CEMIP2: variants seen among roughly 807,000 people sequenced by gnomAD.
CEMIP2 encodes the protein cell surface hyaluronidase CEMIP2.
CEMIP2 carries 79 observed loss-of-function variants against 146.9 expected under a neutral mutation model. That is an observed-to-expected ratio of 0.54 (90% CI 0.45 to 0.65). The LOEUF (loss-of-function observed/expected upper bound fraction) is 0.65. Ranked by LOEUF, CEMIP2 falls within the 30% of genes least tolerant of loss-of-function variation. CEMIP2 has a pLI of 0.00. For missense variants in CEMIP2, 1,596 were observed against 1,696.2 expected (o/e 0.94, Z 1.04); for synonymous variants, 601 against 606.3 (o/e 0.99, Z 0.13).
At chr9:71,765,181 G>A (rs2132051972) in intron 1 of CEMIP2, among the ~76,000 whole-genome samples, 1 of 152,282 alleles carries the variant, frequency 6.6e-6, no homozygotes, top group Non-Finnish European at 1.5e-5. Flanking sequence ...TAGCTTAAAA[G>A]TCTAAAGACT....
chr9:71,747,723 AT>A (rs1361804105), intron 2 of CEMIP2, among the ~76,000 whole-genome samples: 2 of 152,162 alleles, frequency 1.3e-5, no homozygotes, highest in African/African-American at 4.8e-5. Flanking sequence ...AGAAAAAAAA[AT>A]GATTCCTCAT....
chr9:71,717,976 C>T lies in CEMIP2; in HGVS notation c.2371G>A (p.Gly791Arg). The change falls in exon 13 of 24, where the codon GGA becomes AGA. Residue 791 changes from glycine (G) to arginine (R), a missense_variant. Transcript: ENST00000377044. ...KNNDNGAWVR[G>R]GDIIVQNSAF... ...GAATTTTGAACGATAATATCTCCTC[C>T]TCTGACCCAAGCTCCATTATCATTA... is the stretch of plus-strand genomic sequence containing the variant. 1 of 1,611,218 alleles carries T rather than the reference C, an allele frequency of 6.2e-7. No homozygotes were observed. The highest frequency in any genetic ancestry group is 8.5e-7 in the Non-Finnish European group (1 of 1,178,530).
intron 12 of CEMIP2, among the ~76,000 whole-genome samples, chr9:71,719,842 C>CA (rs34555277): frequency 0.011 from 1,002 of 93,178 alleles, 45 homozygotes; most frequent in African/African-American, 0.039. Flanking sequence ...TAAACGAAAG[C>CA]AAAAAAAAAA....
At chr9:71,718,209 C>G (rs1221573845) in intron 12 of CEMIP2, 130 bp from the exon 13 acceptor site, 1 of 849,828 alleles carries the variant, frequency 1.2e-6, no homozygotes, top group Non-Finnish European at 1.7e-6. Flanking sequence ...TAAGATACAA[C>G]TTACTTACAT....
intron 21 of CEMIP2, among the ~76,000 whole-genome samples, chr9:71,692,940 A>AAC: frequency 1.3e-5 from 1 of 79,270 alleles, no homozygotes; most frequent in Non-Finnish European, 2.3e-5. Flanking sequence ...ACAACAACAA[A>AAC]AACCAAGAGT....
chr9:71,712,113 A>G lies in CEMIP2; in HGVS notation c.2739T>C (p.Asn913=). ...MKNSWQITPR[N]NISLVKFGPH... is the part of the protein sequence containing the mutation. ...GACCAAACTTCACGAGGGAGATATTATTCCTGGGGGTTATCTGCCAGGAAT... is the reference window on the plus strand; with the variant it reads ...GACCAAACTTCACGAGGGAGATATTGTTCCTGGGGGTTATCTGCCAGGAAT... The change falls in exon 16 of 24, where the codon AAT becomes AAC. Residue 913 remains asparagine (N), a synonymous_variant. Transcript: ENST00000377044. 6.2e-7 allele frequency: 1 copy of G among 1,614,126 alleles called. No homozygotes were observed. Among genetic ancestry groups the G allele is most frequent in the South Asian group, 1.1e-5 (1 of 91,066 alleles).
intron 1 of CEMIP2, among the ~76,000 whole-genome samples, chr9:71,758,265 C>T (rs901364100): frequency 1.3e-5 from 2 of 152,136 alleles, no homozygotes; most frequent in Non-Finnish European, 2.9e-5. Flanking sequence ...ACCCTTAGAC[C>T]TCTAAACAGG....
In CEMIP2 at chr9:71,684,975, C is replaced by T. The variant is rs972635366; in HGVS notation, c.*222G>A. 3 of 480,764 alleles carry T rather than the reference C, an allele frequency of 6.2e-6. No homozygotes were observed. The highest frequency in any genetic ancestry group is 5.9e-5 in the African/African-American group (3 of 50,734). The allele number at this position is 480,764 out of a possible 1,614,324, so 29.8% of individuals were successfully genotyped here. A position where few individuals can be genotyped will look rare whatever the true frequency, so the allele number is the denominator to read the frequency against. ...GAATAAGAGATCTGCTCTCTGAATA[C>T]ACCAGCCTTACAAATACAAACAACG... On this transcript the variant is annotated 3_prime_UTR_variant, in exon 24 of 24. Transcript: ENST00000377044.
At chr9:71,731,261 T>A (rs150890920) in intron 7 of CEMIP2, among the ~76,000 whole-genome samples, 7 of 152,260 alleles carry the variant, frequency 4.6e-5, no homozygotes, top group Admixed American at 3.3e-4. Context: ...CAGAGTCTGA[T>A]AAATAGTTAT....
chr9:71,727,320 G>A (rs1462475214), intron 10 of CEMIP2, among the ~76,000 whole-genome samples: 1 of 152,160 alleles, frequency 6.6e-6, no homozygotes, highest in East Asian at 1.9e-4. Context: ...GAAGATGGCT[G>A]TGCATCAACT....
intron 1 of CEMIP2, among the ~76,000 whole-genome samples, chr9:71,759,317 A>G (rs1011436828): frequency 2.0e-5 from 3 of 152,196 alleles, no homozygotes; most frequent in African/African-American, 7.2e-5. Context: ...AGAAAAAAAA[A>G]ATCTTGCCTG....
Position 71,685,351 on chromosome 9 carries a change from GA to G in CEMIP2, c.3997del (p.Ser1333HisfsTer44). ...AGGACTGGTAAATAGCTTAGTCCAT[GA>G]TGGTTTAAAGTTTCCACTGAATCCC... ...FLGFSGNFKP[S>X]WTKLFTSPAG... On this transcript the variant is annotated frameshift_variant, in exon 24 of 24. Coordinates refer to ENST00000377044, the MANE Select transcript of CEMIP2 (RefSeq NM_013390.3). LOFTEE classifies it high-confidence loss of function. 1 of 1,574,530 alleles carries G rather than the reference GA, an allele frequency of 6.4e-7. No homozygotes were observed. The highest frequency in any genetic ancestry group is 8.6e-7 in the Non-Finnish European group (1 of 1,167,988).
intron 5 of CEMIP2, among the ~76,000 whole-genome samples, 158 bp downstream of exon 5, chr9:71,739,905 A>T (rs1484411257): frequency 6.6e-6 from 1 of 151,744 alleles, no homozygotes; most frequent in Non-Finnish European, 1.5e-5. Context: ...TTTTGTTCTA[A>T]AAGATTAAGC....
At chr9:71,698,427 T>C (rs1255103817) in intron 19 of CEMIP2, among the ~76,000 whole-genome samples, 10 of 152,212 alleles carry the variant, frequency 6.6e-5, no homozygotes, top group Non-Finnish European at 1.3e-4. Context: ...CCTGCTTCCA[T>C]TGTTGTGGAA....
upstream of CEMIP2, among the ~76,000 whole-genome samples, chr9:71,769,228 C>T (rs752147381): frequency 8.5e-5 from 13 of 152,206 alleles, no homozygotes; most frequent in Non-Finnish European, 1.8e-4. Flanking sequence ...CCTGGCTGAG[C>T]CTGACACTGC....
At position 71,717,938 on chromosome 9, in the gene CEMIP2, GA is replaced by G. The variant is rs1261399209; in HGVS notation, c.2399+9del. 1 of 1,601,362 alleles carries G rather than the reference GA, an allele frequency of 6.2e-7. No individual in the cohort carries two copies. Among genetic ancestry groups the G allele is most frequent in the South Asian group, 1.1e-5 (1 of 87,786 alleles). On this transcript the variant is annotated intron_variant, in intron 13 of 23. Coordinates refer to ENST00000377044, the MANE Select transcript of CEMIP2 (RefSeq NM_013390.3). ...TGTCATCATATAATAACTTGGTAGA[GA>G]ATACCCACGCTGAATTTTGAACGAT...
rs959374512 is a variant in CEMIP2, at chr9:71,768,341, C to G, written c.-13+16G>C. On this transcript the variant is annotated intron_variant, in intron 1 of 23. Transcript: ENST00000377044. ...TGGAGCGGGGTGGGGGGGCGGGTGA[C>G]CGAGTCGCTTCTTACCTTCCCCTAC... 1.3e-5 allele frequency: 2 copies of G among 152,030 alleles called. No homozygotes were observed. Among genetic ancestry groups the G allele is most frequent in the Non-Finnish European group, 2.9e-5 (2 of 68,042 alleles). The allele number at this position is 152,030 out of a possible 1,614,324, so 9.4% of individuals were successfully genotyped here. A position where few individuals can be genotyped will look rare whatever the true frequency, so the allele number is the denominator to read the frequency against.
At chr9:71,685,502 T>C (rs1822033611) in intron 23 of CEMIP2, 109 bp from the exon 24 acceptor site, 1 of 1,287,144 alleles carries the variant, frequency 7.8e-7, no homozygotes, top group Non-Finnish European at 1.0e-6. Flanking sequence ...AAGGCAGCTA[T>C]TAAAAAACTC....
rs1256311658 is a variant in CEMIP2, at chr9:71,722,533, T to G, written c.2179-18A>C. 1 of 1,565,214 alleles carries G rather than the reference T, an allele frequency of 6.4e-7. No individual in the cohort carries two copies. Among genetic ancestry groups the G allele is most frequent in the East Asian group, 2.2e-5 (1 of 44,576 alleles). On this transcript the variant is annotated intron_variant, in intron 11 of 23. Coordinates refer to ENST00000377044, the MANE Select transcript of CEMIP2 (RefSeq NM_013390.3). ...AAGCCAGCCTGAAAAATATAAATAA[T>G]GGACTGGAATGAATATGAATCCCAA... is the stretch of plus-strand genomic sequence containing the variant.
Sources: gnomAD v4.1 joint callset for allele counts (sites outside exome capture counted in the v4.1 genomes callset) on GRCh38, gnomAD v4.1.1 for gene constraint, MANE v1.5 for transcripts, NCBI Gene and HGNC (gene_info 2026-07-23, HGNC 2026-07-21) for gene names.